Variants in RABGAP1L observed in about 807,000 individuals in gnomAD.
The protein encoded by RABGAP1L is RAB GTPase activating protein 1 like, also known as rab GTPase-activating protein 1-like.
In RABGAP1L, 63 loss-of-function variants were observed where a neutral mutation model predicts 137.7. That is an observed-to-expected ratio of 0.46 (90% CI 0.37 to 0.56). The LOEUF is 0.56. RABGAP1L is among the 20% of genes least tolerant of loss of function. The probability of loss-of-function intolerance (pLI) is 0.00; values close to 1 mark genes in which losing one functional copy is unlikely to be tolerated. For synonymous variants in RABGAP1L, 431 were observed against 433.7 expected (o/e 0.99, Z 0.08); for missense variants, 1,095 against 1,244.0 (o/e 0.88, Z 1.80).
intron 13 of RABGAP1L, among the ~76,000 whole-genome samples, chr1:174,427,142 TTATGTGTGTG>T (rs1022825854): frequency 5.2e-5 from 6 of 115,466 alleles, no homozygotes; most frequent in African/African-American, 1.0e-4. Context: ...CTCCGCATGT[TTATGTGTGTG>T]TGTGTGTGTG....
At chr1:174,220,909 T>C (rs377381501) in intron 2 of RABGAP1L, 63 bp from the exon 3 acceptor site, 2 of 1,332,618 alleles carry the variant, frequency 1.5e-6, no homozygotes, top group Non-Finnish European at 1.0e-6. Context: ...TGAAATACTT[T>C]CATAAAATTT....
At chr1:174,565,884 ATTT>A (rs776033808) in intron 13 of RABGAP1L, among the ~76,000 whole-genome samples, 6 of 132,728 alleles carry the variant, frequency 4.5e-5, no homozygotes, top group Non-Finnish European at 4.8e-5. Context: ...AATCCTTTAC[ATTT>A]TTTTTTTTTT....
At chr1:174,424,996 CATTTT>C (rs1414693680) in intron 13 of RABGAP1L, among the ~76,000 whole-genome samples, 1 of 151,936 alleles carries the variant, frequency 6.6e-6, no homozygotes, top group Admixed American at 6.6e-5. Context: ...GGATGTTTTA[CATTTT>C]ATTTTGTTGC....
chr1:174,462,604 G>A (rs2149284974), intron 13 of RABGAP1L, among the ~76,000 whole-genome samples: 1 of 152,168 alleles, frequency 6.6e-6, no homozygotes, highest in South Asian at 2.1e-4. Flanking sequence ...TCAAGACACT[G>A]AGCTTTGGGG....
chr1:174,506,847 A>T (rs1165706588), intron 13 of RABGAP1L, among the ~76,000 whole-genome samples: 1 of 152,018 alleles, frequency 6.6e-6, no homozygotes, highest in African/African-American at 2.4e-5. Flanking sequence ...AAAAACTCAC[A>T]CCTGTAATCC....
intron 21 of RABGAP1L, among the ~76,000 whole-genome samples, chr1:174,973,987 T>A (rs868828577): frequency 1.9e-5 from 2 of 107,624 alleles, no homozygotes; most frequent in Non-Finnish European, 4.1e-5. Flanking sequence ...TTGTTTTTTT[T>A]TTTTTTTTTT....
chr1:174,884,195 G>A (rs1411355859), intron 19 of RABGAP1L, among the ~76,000 whole-genome samples: 2 of 152,162 alleles, frequency 1.3e-5, no homozygotes, highest in Admixed American at 6.5e-5. Flanking sequence ...AACCAAAATA[G>A]CAGCACTGTG....
At chr1:174,908,880 G>C (rs1659567446) in intron 19 of RABGAP1L, among the ~76,000 whole-genome samples, 1 of 149,554 alleles carries the variant, frequency 6.7e-6, no homozygotes, top group Non-Finnish European at 1.5e-5. Flanking sequence ...GTCAATGAAA[G>C]TACTAAAAAG....
At chr1:174,368,368 T>C (rs1252091780) in intron 11 of RABGAP1L, among the ~76,000 whole-genome samples, 4 of 152,214 alleles carry the variant, frequency 2.6e-5, no homozygotes, top group South Asian at 2.1e-4. Flanking sequence ...TTTGATCAAA[T>C]GATATATTAA....
chr1:174,190,049 A>C (rs1181431258), intron 1 of RABGAP1L, among the ~76,000 whole-genome samples: 3 of 152,224 alleles, frequency 2.0e-5, no homozygotes, highest in Non-Finnish European at 4.4e-5. Context: ...TAACGCCTGT[A>C]ATCCCAGCAC....
Position 174,327,990 on chromosome 1 carries a change from T to TATATATATATATATATATACACACAC in RABGAP1L, c.1465+22882_1465+22883insCACACACATATATATATATATATATA, listed in dbSNP as rs1680650075. 2.5e-4 allele frequency among the ~76,000 whole-genome samples: 9 copies of TATATATATATATATATATACACACAC among 36,358 alleles called. No individual in the cohort carries two copies. In the South Asian group the frequency reaches 6.8e-3, roughly 27 times the overall value. 23.9% of individuals were successfully genotyped at this position (36,358 alleles called of 152,430 possible). A position where few individuals can be genotyped will look rare whatever the true frequency, so the allele number is the denominator to read the frequency against. On this transcript the variant is annotated intron_variant, in intron 11 of 25. Coordinates refer to ENST00000681986, the MANE Select transcript of RABGAP1L (RefSeq NM_001366446.1). ...ATATATATATATATACACACACATA[T>TATATATATATATATATATACACACAC]ATATATATATATATATATATATATA...
At chr1:174,933,417 G>A (rs935420337) in intron 19 of RABGAP1L, among the ~76,000 whole-genome samples, 7 of 152,088 alleles carry the variant, frequency 4.6e-5, no homozygotes, top group African/African-American at 1.7e-4. Flanking sequence ...TTATTACGAT[G>A]CTTGGGCCAG....
At chr1:174,457,658 A>G (rs1571898351) in intron 13 of RABGAP1L, among the ~76,000 whole-genome samples, 1 of 151,884 alleles carries the variant, frequency 6.6e-6, no homozygotes, top group African/African-American at 2.4e-5. Flanking sequence ...GTGTGCCACC[A>G]CGCCTAGCTA....
At chr1:174,621,440 C>G (rs1672458056) in intron 13 of RABGAP1L, among the ~76,000 whole-genome samples, 1 of 152,310 alleles carries the variant, frequency 6.6e-6, no homozygotes, top group Non-Finnish European at 1.5e-5. Flanking sequence ...ATCAAGCTAC[C>G]TGACTTCAAA....
chr1:174,507,617 G>GA (rs1214716165), intron 13 of RABGAP1L, among the ~76,000 whole-genome samples: 1 of 151,210 alleles, frequency 6.6e-6, no homozygotes, highest in Non-Finnish European at 1.5e-5. Flanking sequence ...AAGCAAAAAA[G>GA]AAAAAAAATC....
intron 18 of RABGAP1L, among the ~76,000 whole-genome samples, chr1:174,757,883 C>T (rs186517426): frequency 2.0e-5 from 3 of 152,118 alleles, no homozygotes; most frequent in South Asian, 2.1e-4. Context: ...AAACGCCAGG[C>T]GTGGTGGTGG....
intron 19 of RABGAP1L, among the ~76,000 whole-genome samples, chr1:174,828,545 G>GT (rs1376409928): frequency 6.7e-6 from 1 of 148,398 alleles, no homozygotes; most frequent in East Asian, 2.1e-4. Context: ...TCTGGCTCCA[G>GT]TTCTTACTGA....
intron 13 of RABGAP1L, among the ~76,000 whole-genome samples, chr1:174,633,534 T>G (rs913000580): frequency 1.0e-4 from 15 of 149,570 alleles, no homozygotes; most frequent in Non-Finnish European, 1.8e-4. Flanking sequence ...AAAAAACTAC[T>G]TTAAAGTTCA....
intron 14 of RABGAP1L, among the ~76,000 whole-genome samples, chr1:174,653,046 C>T (rs942140161): frequency 2.0e-5 from 3 of 152,150 alleles, no homozygotes; most frequent in African/African-American, 7.2e-5. Flanking sequence ...CTTTTCTGAG[C>T]TGGGGTGGGC....
Sources: allele counts gnomAD v4.1 joint callset (sites outside exome capture counted in the v4.1 genomes callset), GRCh38; gene constraint gnomAD v4.1.1; transcripts MANE v1.5; gene names NCBI Gene and HGNC (gene_info 2026-07-23, HGNC 2026-07-21).